The following ERC2 variants were observed in gnomAD, a reference collection of about 807,000 sequenced individuals.
The protein encoded by ERC2 is ERC protein 2.
In ERC2, 42 loss-of-function variants were observed where a neutral mutation model predicts 114.8. That is an observed-to-expected ratio of 0.37 (90% confidence interval 0.29 to 0.47). The LOEUF is 0.47. ERC2 is among the 20% of genes least tolerant of loss of function. The probability of loss-of-function intolerance (pLI) is 0.99; values close to 1 mark genes in which losing one functional copy is unlikely to be tolerated. For synonymous variants in ERC2, 454 were observed against 425.5 expected, an observed-to-expected ratio of 1.07 and a Z score of -0.82; for missense variants, 939 against 1,150.7, an observed-to-expected ratio of 0.82 and a Z score of 2.66.
chr3:56,376,051 C>A (rs56354761), intron 2 of ERC2, among the ~76,000 whole-genome samples: 5,067 of 152,230 alleles, frequency 0.033, 180 homozygotes, highest in African/African-American at 0.081. Context: ...GATTCTTCCC[C>A]AGTCAAGCTT....
intron 3 of ERC2, among the ~76,000 whole-genome samples, chr3:56,236,724 T>A (rs2050972872): frequency 6.6e-6 from 1 of 152,228 alleles, no homozygotes; most frequent in South Asian, 2.1e-4. Context: ...CTTGCTTTTC[T>A]ACTTCCATAG....
intron 15 of ERC2, among the ~76,000 whole-genome samples, chr3:55,722,336 A>T (rs967962362): frequency 6.6e-5 from 10 of 152,026 alleles, no homozygotes; most frequent in Admixed American, 5.2e-4. Flanking sequence ...GGCCCAGAGG[A>T]ACAGATTCCA....
intron 7 of ERC2, among the ~76,000 whole-genome samples, chr3:56,077,347 C>A (rs1308028515): frequency 6.6e-6 from 1 of 152,176 alleles, no homozygotes; most frequent in East Asian, 1.9e-4. Context: ...TGAAGCTGAG[C>A]AACCTCTCCA....
intron 6 of ERC2, among the ~76,000 whole-genome samples, chr3:56,126,825 G>GGAAAGGAAAGGAAAA (rs2079898236): frequency 6.7e-6 from 1 of 148,756 alleles, no homozygotes; most frequent in Non-Finnish European, 1.5e-5. Flanking sequence ...GGAAAGGAAA[G>GGAAAGGAAAGGAAAA]GAAAGGAAAG....
intron 7 of ERC2, among the ~76,000 whole-genome samples, chr3:56,068,418 T>C (rs1034602256): frequency 2.0e-5 from 3 of 151,986 alleles, no homozygotes; most frequent in Non-Finnish European, 4.4e-5. Flanking sequence ...GTCTATTTGA[T>C]TCTTCTCTTT....
intron 16 of ERC2, among the ~76,000 whole-genome samples, chr3:55,688,185 T>G (rs1270173648): frequency 6.6e-6 from 1 of 152,210 alleles, no homozygotes; most frequent in Non-Finnish European, 1.5e-5. Flanking sequence ...TCCTGCTCTT[T>G]TAAAAATAAG....
intron 6 of ERC2, among the ~76,000 whole-genome samples, chr3:56,089,485 A>C (rs2149781679): frequency 6.6e-6 from 1 of 152,304 alleles, no homozygotes; most frequent in Non-Finnish European, 1.5e-5. Flanking sequence ...ATTTTAATAA[A>C]ATATTTAATC....
chr3:55,855,551 T>A (rs562522736), intron 14 of ERC2, among the ~76,000 whole-genome samples: 9 of 152,242 alleles, frequency 5.9e-5, no homozygotes, highest in Non-Finnish European at 8.8e-5. Context: ...TAGGGGGGGA[T>A]GATTTACCAT....
chr3:55,779,327 CAAAAAAAAAAAAA>C (rs60185894), intron 14 of ERC2, among the ~76,000 whole-genome samples: 10 of 62,470 alleles, frequency 1.6e-4, no homozygotes, highest in African/African-American at 4.3e-4. Context: ...ACTAAAAATA[CAAAAAAAAAAAAA>C]AAAAAAAAAA....
chr3:56,064,172 C>T (rs1208795342), intron 7 of ERC2, among the ~76,000 whole-genome samples: 1 of 152,180 alleles, frequency 6.6e-6, no homozygotes, highest in Non-Finnish European at 1.5e-5. Flanking sequence ...TTGTTTTCCC[C>T]TGACTACCTG....
intron 3 of ERC2, among the ~76,000 whole-genome samples, chr3:56,228,170 T>C (rs1169482409): frequency 6.6e-6 from 1 of 152,218 alleles, no homozygotes; most frequent in African/African-American, 2.4e-5. Flanking sequence ...ATGATATAAA[T>C]GTAAATTTTT....
At chr3:56,226,565 C>G (rs1035553251) in intron 3 of ERC2, among the ~76,000 whole-genome samples, 2 of 152,082 alleles carry the variant, frequency 1.3e-5, no homozygotes, top group Non-Finnish European at 2.9e-5. Flanking sequence ...CTCTGTCTCT[C>G]TCTCTATATA....
At chr3:55,817,437 T>C (rs534307064) in intron 14 of ERC2, among the ~76,000 whole-genome samples, 10 of 152,298 alleles carry the variant, frequency 6.6e-5, no homozygotes, top group African/African-American at 2.2e-4. Context: ...CTCCTGAGAG[T>C]TCACCCAAGG....
intron 5 of ERC2, among the ~76,000 whole-genome samples, chr3:56,141,240 C>A: frequency 6.6e-6 from 1 of 152,248 alleles, no homozygotes; most frequent in South Asian, 2.1e-4. Context: ...ACACAAATGT[C>A]GCTCCTCACA....
At chr3:55,919,636 A>C (rs1296213236) in intron 13 of ERC2, among the ~76,000 whole-genome samples, 1 of 152,166 alleles carries the variant, frequency 6.6e-6, no homozygotes, top group African/African-American at 2.4e-5. Context: ...GCCAAAACAG[A>C]AGAAAATAAG....
chr3:55,513,562 G>A (rs775812879), intron 17 of ERC2, among the ~76,000 whole-genome samples: 1 of 152,054 alleles, frequency 6.6e-6, no homozygotes, highest in Non-Finnish European at 1.5e-5. Flanking sequence ...ATATACTGCA[G>A]AGTCCCCTTC....
At chr3:55,707,330 T>A (rs938668249) in intron 15 of ERC2, among the ~76,000 whole-genome samples, 1 of 152,278 alleles carries the variant, frequency 6.6e-6, no homozygotes, top group South Asian at 2.1e-4. Flanking sequence ...TCCCAGCTAC[T>A]TGGGAGGCTG....
chr3:55,907,809 T>C (rs1036738683), intron 13 of ERC2, among the ~76,000 whole-genome samples: 1 of 152,138 alleles, frequency 6.6e-6, no homozygotes, highest in Admixed American at 6.5e-5. Context: ...GGACTGGAGA[T>C]TAAAATATCC....
intron 4 of ERC2, among the ~76,000 whole-genome samples, chr3:56,161,798 G>T (rs1217320787): frequency 6.6e-6 from 1 of 152,128 alleles, no homozygotes; most frequent in Non-Finnish European, 1.5e-5. Flanking sequence ...GCAGTCGTTA[G>T]GGTTTTCTAG....
Sources: allele counts gnomAD v4.1 joint callset (sites outside exome capture counted in the v4.1 genomes callset), GRCh38; gene constraint gnomAD v4.1.1; transcripts MANE v1.5; gene names NCBI Gene and HGNC (gene_info 2026-07-23, HGNC 2026-07-21).